Variants in ACCSL observed in about 807,000 individuals in gnomAD.
ACCSL encodes probable inactive 1-aminocyclopropane-1-carboxylate synthase-like protein 2.
A neutral mutation model predicts 61.7 loss-of-function variants in ACCSL; 55 were observed. The ratio of observed to expected loss-of-function variants is 0.89; its 90% CI spans 0.72 to 1.12. ACCSL has a LOEUF of 1.12. ACCSL is among the 50% of genes most tolerant of loss of function. The pLI is 0.00. For synonymous variants in ACCSL, 258 were observed against 264.3 expected, an observed-to-expected ratio of 0.98 and a Z score of 0.23; for missense variants, 632 against 698.0, an observed-to-expected ratio of 0.91 and a Z score of 1.07.
the ACCSL span, among the ~76,000 whole-genome samples, chr11:44,000,620 CCT>C: frequency 6.9e-6 from 1 of 145,396 alleles, no homozygotes; most frequent in South Asian, 2.2e-4. Context: ...CGCCCAGCCC[CCT>C]GTCTCTATTA....
chr11:43,943,568 C>G, the ACCSL span: 2 of 1,314,916 alleles, frequency 1.5e-6, no homozygotes, highest in Admixed American at 4.6e-5. The surrounding 1 kb of genome is among the most constrained non-coding windows in gnomAD (Gnocchi z 4.8). Flanking sequence ...GGCGCGCCCG[C>G]GCTGAGTCGG....
chr11:43,975,517 A>G, the ACCSL span, among the ~76,000 whole-genome samples: 1 of 152,212 alleles, frequency 6.6e-6, no homozygotes, highest in African/African-American at 2.4e-5. Flanking sequence ...ATCAAATAAT[A>G]TAGCTACTAA....
At chr11:44,017,880 C>T in the ACCSL span, among the ~76,000 whole-genome samples, 17 of 152,090 alleles carry the variant, frequency 1.1e-4, no homozygotes, top group African/African-American at 3.9e-4. Flanking sequence ...AGCTACTGGG[C>T]ACTGGGAAGA....
At chr11:43,954,620 T>C in the ACCSL span, among the ~76,000 whole-genome samples, 1 of 151,840 alleles carries the variant, frequency 6.6e-6, no homozygotes, top group Non-Finnish European at 1.5e-5. Flanking sequence ...ATTTTGCTCT[T>C]GTTGCCCAGG....
At chr11:44,001,948 TG>T in the ACCSL span, among the ~76,000 whole-genome samples, 1 of 120,566 alleles carries the variant, frequency 8.3e-6, no homozygotes, top group African/African-American at 2.9e-5. Flanking sequence ...CGCTGCACCC[TG>T]GTGACAGGTC....
upstream of ACCSL, among the ~76,000 whole-genome samples, chr11:44,043,182 CGTTTGAGCT>C (rs752592152): frequency 3.9e-5 from 6 of 152,022 alleles, no homozygotes; most frequent in Non-Finnish European, 7.4e-5. Flanking sequence ...ATAAGTATAC[CGTTTGAGCT>C]TGGACAAATG....
At chr11:43,960,584 C>T in the ACCSL span, among the ~76,000 whole-genome samples, 1 of 152,032 alleles carries the variant, frequency 6.6e-6, no homozygotes, top group Admixed American at 6.6e-5. Context: ...GAGGTTTCAC[C>T]ATGTTGGCCA....
the ACCSL span, among the ~76,000 whole-genome samples, chr11:43,973,656 C>T: frequency 1.3e-5 from 2 of 151,960 alleles, no homozygotes; most frequent in South Asian, 2.1e-4. Context: ...GAAAAAGAAC[C>T]GTCTAATGAA....
At chr11:43,980,363 A>G in the ACCSL span, among the ~76,000 whole-genome samples, 1 of 152,222 alleles carries the variant, frequency 6.6e-6, no homozygotes, top group South Asian at 2.1e-4. Context: ...TTCTGTAGAA[A>G]CATTGGAGCA....
chr11:43,963,913 G>A, the ACCSL span, among the ~76,000 whole-genome samples: 1 of 152,082 alleles, frequency 6.6e-6, no homozygotes, highest in Non-Finnish European at 1.5e-5. Flanking sequence ...GGCCAGAATT[G>A]TATCTTGTTG....
At position 44,059,843 on chromosome 11, in the gene ACCSL, C is replaced by T. The variant is rs202158584; in HGVS notation, c.1630C>T (p.Arg544Cys). 2,554 of 1,613,132 alleles carry T rather than the reference C, an allele frequency of 1.6e-3. 4 individuals are homozygous for T. Among genetic ancestry groups the T allele is most frequent in the Non-Finnish European group, 1.9e-3 (2,263 of 1,179,470 alleles). Residue 544 changes from arginine (R) to cysteine (C), a missense_variant, in exon 14 of 14, where the codon CGT becomes TGT. By Grantham distance (180) the Arg-to-Cys change is radical. Coordinates refer to ENST00000378832, the MANE Select transcript of ACCSL (RefSeq NM_001031854.2). ...TCCCCATTTGAACCCTCTAGCTATG[C>T]GTCGGTTCTGTGATGTGCTGCAGGA... ...DELPRLKLAM[R>C]RFCDVLQEQK... is the part of the protein sequence containing the mutation.
upstream of ACCSL, among the ~76,000 whole-genome samples, chr11:44,046,292 C>T (rs771397098): frequency 2.0e-5 from 3 of 152,192 alleles, no homozygotes; most frequent in Non-Finnish European, 4.4e-5. Context: ...AGGTTGGGAT[C>T]GTAAGTCAAG....
the ACCSL span, among the ~76,000 whole-genome samples, chr11:43,967,133 A>G: frequency 5.7e-5 from 7 of 123,726 alleles, no homozygotes; most frequent in Non-Finnish European, 1.2e-4. Context: ...TTCTTGTACT[A>G]CTTCCCTCAG....
chr11:44,046,487 G>A (rs972554534), upstream of ACCSL, among the ~76,000 whole-genome samples: 2 of 152,196 alleles, frequency 1.3e-5, no homozygotes, highest in African/African-American at 4.8e-5. Context: ...AATACTGAAG[G>A]CTGACCTGGG....
chr11:43,956,291 T>G, the ACCSL span, among the ~76,000 whole-genome samples: 5 of 152,130 alleles, frequency 3.3e-5, no homozygotes, highest in Non-Finnish European at 7.3e-5. Flanking sequence ...TTGCTATAGT[T>G]CACAATGTAC....
chr11:43,952,132 C>T, the ACCSL span, among the ~76,000 whole-genome samples: 2 of 150,210 alleles, frequency 1.3e-5, no homozygotes, highest in South Asian at 2.1e-4. Context: ...GGGTAAATTG[C>T]GTGTCTCAGG....
At chr11:43,947,326 GTCACA>G in the ACCSL span, 1 of 152,356 alleles carries the variant, frequency 6.6e-6, no homozygotes, top group African/African-American at 2.4e-5. Context: ...AACACTGGGG[GTCACA>G]TTTCAACATG....
the ACCSL span, among the ~76,000 whole-genome samples, chr11:43,978,971 T>C: frequency 6.6e-6 from 1 of 152,012 alleles, no homozygotes; most frequent in Non-Finnish European, 1.5e-5. Context: ...GGGAAAGCCT[T>C]GTGGCACTAA....
the ACCSL span, among the ~76,000 whole-genome samples, chr11:43,992,327 G>A: frequency 2.4e-4 from 37 of 152,248 alleles, no homozygotes; most frequent in East Asian, 6.4e-3. Context: ...GATTACAGGC[G>A]TGAGCCACCG....
Sources: allele counts gnomAD v4.1 joint callset (sites outside exome capture counted in the v4.1 genomes callset), GRCh38; gene constraint gnomAD v4.1.1; non-coding constraint Gnocchi (gnomAD v3.1); transcripts MANE v1.5; gene names NCBI Gene and HGNC (gene_info 2026-07-23, HGNC 2026-07-21).